The following PCCA variants were observed in gnomAD, a reference collection of about 807,000 sequenced individuals.
PCCA encodes propionyl-CoA carboxylase subunit alpha.
In PCCA, 74 loss-of-function variants were observed where a neutral mutation model predicts 101.3. That is an observed-to-expected ratio of 0.73 (90% CI 0.61 to 0.89). The LOEUF is 0.89. PCCA is among the 40% of genes least tolerant of loss of function. The pLI is 0.00. For missense variants in PCCA, 891 were observed against 907.0 expected (o/e 0.98, Z 0.23); for synonymous variants, 294 against 313.6 (o/e 0.94, Z 0.66).
chr13:100,384,888 G>A (rs1486832538), intron 19 of PCCA, among the ~76,000 whole-genome samples: 1 of 152,074 alleles, frequency 6.6e-6, no homozygotes, highest in Non-Finnish European at 1.5e-5. Context: ...TATAATAAAG[G>A]ACTATAATTC....
rs370431504 is a variant in PCCA at position 100,376,600 on chromosome 13, G to A, written c.1746+8026G>A. On this transcript the variant is annotated intron_variant, in intron 19 of 23. Transcript: ENST00000376285. ...CTGGCGACAGCGGCTTTACCAAGCTGCCATGGCTTTGTTTATTCTCTGAGG... is the reference window on the plus strand; with the variant it reads ...CTGGCGACAGCGGCTTTACCAAGCTACCATGGCTTTGTTTATTCTCTGAGG... Among the ~76,000 whole-genome samples, 159 of 152,318 alleles carry A rather than the reference G, an allele frequency of 1.0e-3. 4 individuals are homozygous for A. The South Asian group carries it at 0.03, about 29-fold the overall frequency.
intron 20 of PCCA, among the ~76,000 whole-genome samples, chr13:100,437,470 G>A (rs1461228452): frequency 6.6e-6 from 1 of 151,234 alleles, no homozygotes; most frequent in African/African-American, 2.4e-5. Context: ...TAATAATTTA[G>A]CCAACTTTTC....
intron 4 of PCCA, among the ~76,000 whole-genome samples, chr13:100,136,612 G>A (rs982167181): frequency 2.6e-5 from 4 of 152,102 alleles, no homozygotes; most frequent in Non-Finnish European, 5.9e-5. Flanking sequence ...ATCTTATTTT[G>A]AGTGTGTTTT....
intron 1 of PCCA, among the ~76,000 whole-genome samples, chr13:100,099,676 C>T (rs2152238288): frequency 6.6e-6 from 1 of 151,894 alleles, no homozygotes; most frequent in East Asian, 1.9e-4. Context: ...GATTTGTTTC[C>T]CTGTTTGCAG....
intron 21 of PCCA, chr13:100,491,831 ATT>A: frequency 1.0e-6 from 1 of 986,420 alleles, no homozygotes; most frequent in Non-Finnish European, 1.3e-6. Flanking sequence ...TTTTTTCTCT[ATT>A]TTTTAAAATA....
intron 1 of PCCA, among the ~76,000 whole-genome samples, chr13:100,092,015 G>T (rs1469934308): frequency 6.6e-6 from 1 of 151,936 alleles, no homozygotes; most frequent in African/African-American, 2.4e-5. Context: ...CCACCTCCTG[G>T]GTTCAAGTGA....
At chr13:100,145,841 G>A (rs569073211) in intron 4 of PCCA, among the ~76,000 whole-genome samples, 43 of 145,056 alleles carry the variant, frequency 3.0e-4, no homozygotes, top group African/African-American at 1.1e-3. Context: ...CAGCCTGGGC[G>A]ACAGAGTGAG....
intron 15 of PCCA, among the ~76,000 whole-genome samples, chr13:100,309,206 C>T (rs1222579726): frequency 6.6e-6 from 1 of 152,082 alleles, no homozygotes; most frequent in African/African-American, 2.4e-5. Context: ...ACCAGCCAGG[C>T]CAACATGGCA....
intron 19 of PCCA, among the ~76,000 whole-genome samples, chr13:100,402,287 A>G (rs899498434): frequency 6.6e-6 from 1 of 151,662 alleles, no homozygotes; most frequent in Non-Finnish European, 1.5e-5. Context: ...CCATGTTGTC[A>G]GTGGTCAACA....
At chr13:100,141,991 G>C (rs1469773928) in intron 4 of PCCA, among the ~76,000 whole-genome samples, 3 of 152,172 alleles carry the variant, frequency 2.0e-5, no homozygotes, top group Non-Finnish European at 4.4e-5. Context: ...AATGTTTTGG[G>C]AAATATGTTT....
intron 19 of PCCA, among the ~76,000 whole-genome samples, chr13:100,400,381 C>T (rs2077267296): frequency 2.0e-5 from 3 of 152,110 alleles, no homozygotes; most frequent in South Asian, 2.1e-4. Flanking sequence ...GTGAGAACTA[C>T]ATCACCTGAC....
At chr13:100,516,218 C>G (rs2086820371) in intron 22 of PCCA, among the ~76,000 whole-genome samples, 2 of 152,124 alleles carry the variant, frequency 1.3e-5, no homozygotes, top group Admixed American at 6.6e-5. Context: ...GAAAAGAAAA[C>G]AATTTAGGAG....
intron 6 of PCCA, among the ~76,000 whole-genome samples, chr13:100,165,401 T>G (rs1329009622): frequency 6.6e-6 from 1 of 152,182 alleles, no homozygotes; most frequent in Non-Finnish European, 1.5e-5. Context: ...TTTAAGAGGT[T>G]TAATTTGACA....
At chr13:100,171,759 G>T (rs1204850730) in intron 6 of PCCA, among the ~76,000 whole-genome samples, 1 of 152,198 alleles carries the variant, frequency 6.6e-6, no homozygotes. Flanking sequence ...GTGGCTGGGC[G>T]CGGTGGCTCA....
At chr13:100,470,143 G>A (rs1378080453) in intron 21 of PCCA, among the ~76,000 whole-genome samples, 3 of 152,114 alleles carry the variant, frequency 2.0e-5, no homozygotes, top group East Asian at 3.8e-4. Context: ...CCTCGAGATG[G>A]GCACACCTGG....
intron 17 of PCCA, among the ~76,000 whole-genome samples, chr13:100,336,281 A>C (rs1339887267): frequency 2.0e-5 from 3 of 152,042 alleles, no homozygotes; most frequent in East Asian, 3.9e-4. Flanking sequence ...AAAACAAACA[A>C]ACACACACCC....
intron 18 of PCCA, among the ~76,000 whole-genome samples, chr13:100,357,080 C>T (rs1366967621): frequency 6.6e-6 from 1 of 152,052 alleles, no homozygotes; most frequent in East Asian, 1.9e-4. Context: ...TCTAATGTTT[C>T]CCTTATGAGG....
rs1013276723 is a variant in PCCA, at chr13:100,089,307, G to T, written c.105+82G>T. 1.0e-5 allele frequency: 14 copies of T among 1,334,040 alleles called. No homozygotes were observed. In the South Asian group the frequency reaches 2.2e-4, roughly 21 times the overall value. 82.6% of individuals were successfully genotyped at this position (1,334,040 alleles called of 1,614,324 possible). ...CCTCTGGGCGGCTGGCGCCGGGAGA[G>T]CGCTGGCTGGGTCCGGCTGCCCCCG... On this transcript the variant is annotated intron_variant, in intron 1 of 23. Coordinates refer to ENST00000376285, the MANE Select transcript of PCCA (RefSeq NM_000282.4).
At chr13:100,422,752 A>G (rs1169614750) in intron 19 of PCCA, among the ~76,000 whole-genome samples, 2 of 151,786 alleles carry the variant, frequency 1.3e-5, no homozygotes, top group African/African-American at 4.8e-5. Flanking sequence ...TTTTATCTCA[A>G]TAATGTTATT....
Sources: allele counts gnomAD v4.1 joint callset (sites outside exome capture counted in the v4.1 genomes callset), GRCh38; gene constraint gnomAD v4.1.1; transcripts MANE v1.5; gene names NCBI Gene and HGNC (gene_info 2026-07-23, HGNC 2026-07-21).